The following PTPRN2 variants were observed in gnomAD, a reference collection of about 807,000 sequenced individuals.
PTPRN2 encodes the protein protein tyrosine phosphatase receptor type N2.
In PTPRN2, 74 loss-of-function variants were observed where a neutral mutation model predicts 118.8. The observed-to-expected ratio is 0.62, with a 90% CI of 0.52 to 0.76. PTPRN2 has a LOEUF of 0.76. PTPRN2 is among the 30% of genes least tolerant of loss of function. The probability of loss-of-function intolerance (pLI) is 0.00; values close to 1 mark genes in which losing one functional copy is unlikely to be tolerated. For synonymous variants in PTPRN2, 641 were observed against 608.0 expected (o/e 1.05, Z -0.80); for missense variants, 1,481 against 1,394.4 (o/e 1.06, Z -0.99).
intron 6 of PTPRN2, among the ~76,000 whole-genome samples, chr7:158,165,846 G>T (rs887754276): frequency 1.6e-4 from 25 of 152,164 alleles, no homozygotes; most frequent in Admixed American, 1.6e-3. Flanking sequence ...CCGCCCTGAC[G>T]TGGCTTAACT....
intron 6 of PTPRN2, among the ~76,000 whole-genome samples, chr7:158,166,131 T>G (rs942081458): frequency 2.1e-4 from 32 of 151,170 alleles, no homozygotes; most frequent in African/African-American, 7.9e-4. Context: ...CAAGCCATGT[T>G]GCCCGCCCCA....
At chr7:158,421,856 A>G (rs978889352) in intron 2 of PTPRN2, among the ~76,000 whole-genome samples, 5 of 152,208 alleles carry the variant, frequency 3.3e-5, no homozygotes, top group African/African-American at 1.2e-4. Flanking sequence ...GGGCATTCTA[A>G]TAAAGAATTT....
intron 4 of PTPRN2, among the ~76,000 whole-genome samples, chr7:158,203,221 G>A (rs1826782438): frequency 2.5e-5 from 1 of 40,072 alleles, no homozygotes; most frequent in African/African-American, 1.1e-4. Flanking sequence ...GATGAAGCAA[G>A]AGCCAAAAAA....
At chr7:157,563,790 A>G (rs920737301) in intron 21 of PTPRN2, among the ~76,000 whole-genome samples, 6 of 149,368 alleles carry the variant, frequency 4.0e-5, no homozygotes, top group Admixed American at 6.6e-5. Flanking sequence ...CCACATCACC[A>G]CACACAGCAG....
intron 10 of PTPRN2, among the ~76,000 whole-genome samples, chr7:158,081,939 A>T (rs1812872387): frequency 6.6e-6 from 1 of 152,210 alleles, no homozygotes; most frequent in Admixed American, 6.5e-5. Flanking sequence ...CTTACTTTTT[A>T]AACCATTTAA....
chr7:157,546,267 CTATT>C (rs759033298), intron 22 of PTPRN2, among the ~76,000 whole-genome samples: 14 of 152,088 alleles, frequency 9.2e-5, no homozygotes, highest in South Asian at 2.1e-4. Context: ...TATCATCTTG[CTATT>C]TATTTATTTA....
intron 2 of PTPRN2, among the ~76,000 whole-genome samples, chr7:158,388,186 C>T (rs923966412): frequency 6.6e-6 from 1 of 152,106 alleles, no homozygotes; most frequent in African/African-American, 2.4e-5. Flanking sequence ...CCACACTGAA[C>T]AAGAAGCCCC....
chr7:158,379,505 GC>G (rs1395841359), intron 2 of PTPRN2, among the ~76,000 whole-genome samples: 1 of 152,160 alleles, frequency 6.6e-6, no homozygotes, highest in Non-Finnish European at 1.5e-5. Flanking sequence ...CAGGTGGGGG[GC>G]TCCCAAGAAA....
intron 12 of PTPRN2, among the ~76,000 whole-genome samples, chr7:157,723,484 A>G (rs1361427809): frequency 6.6e-6 from 1 of 151,906 alleles, no homozygotes; most frequent in East Asian, 1.9e-4. Flanking sequence ...CTCTCCCCAC[A>G]CCAGCATGTC....
intron 3 of PTPRN2, among the ~76,000 whole-genome samples, chr7:158,315,445 A>G (rs1483163624): frequency 6.9e-6 from 1 of 145,124 alleles, no homozygotes; most frequent in Non-Finnish European, 1.5e-5. Flanking sequence ...GACCCCATGA[A>G]GGACAGAGGT....
At chr7:157,548,729 G>A (rs182696134) in intron 22 of PTPRN2, among the ~76,000 whole-genome samples, 20 of 152,304 alleles carry the variant, frequency 1.3e-4, no homozygotes, top group African/African-American at 4.6e-4. Context: ...CTTGAGATGT[G>A]GCTGCATCTG....
chr7:157,821,798 G>A (rs937478281), intron 12 of PTPRN2, among the ~76,000 whole-genome samples: 1 of 152,264 alleles, frequency 6.6e-6, no homozygotes, highest in East Asian at 1.9e-4. Flanking sequence ...ACCAATGGTT[G>A]TTGATGTCAC....
chr7:157,967,916 T>G (rs185854464), intron 11 of PTPRN2, among the ~76,000 whole-genome samples: 51 of 152,368 alleles, frequency 3.3e-4, no homozygotes, highest in Non-Finnish European at 6.6e-4. Flanking sequence ...CACGGTTCTC[T>G]TTTTGTGATG....
intron 19 of PTPRN2, among the ~76,000 whole-genome samples, chr7:157,575,944 A>G (rs375703192): frequency 4.6e-5 from 7 of 152,182 alleles, no homozygotes; most frequent in African/African-American, 1.4e-4. Flanking sequence ...CACCTAGCCA[A>G]TGCGGACCGA....
intron 17 of PTPRN2, among the ~76,000 whole-genome samples, chr7:157,586,937 G>A (rs890978163): frequency 3.9e-5 from 6 of 152,194 alleles, no homozygotes; most frequent in African/African-American, 1.4e-4. Context: ...CCCTCCACCG[G>A]GGCCAGGCCA....
At chr7:158,105,948 C>G (rs778209423) in intron 10 of PTPRN2, among the ~76,000 whole-genome samples, 1 of 150,542 alleles carries the variant, frequency 6.6e-6, no homozygotes, top group Non-Finnish European at 1.5e-5. Flanking sequence ...CCAGCTCTAT[C>G]ACTGCTCCAT....
chr7:158,566,702 G>GT (rs1018327291), intron 1 of PTPRN2, among the ~76,000 whole-genome samples: 35 of 151,588 alleles, frequency 2.3e-4, no homozygotes, highest in Non-Finnish European at 2.6e-4. Flanking sequence ...TTAAAGTGGG[G>GT]TTTTTTTTGT....
At chr7:157,699,521 G>T (rs1034799582) in intron 12 of PTPRN2, among the ~76,000 whole-genome samples, 1 of 152,056 alleles carries the variant, frequency 6.6e-6, no homozygotes, top group South Asian at 2.1e-4. Flanking sequence ...GCCAACCGCC[G>T]ACACCCAGGT....
chr7:157,847,025 A>G (rs1211478431), intron 12 of PTPRN2, among the ~76,000 whole-genome samples: 1 of 147,620 alleles, frequency 6.8e-6, no homozygotes, highest in East Asian at 2.1e-4. Flanking sequence ...CCCTCACTAC[A>G]TCATGTGTGG....
Sources: gnomAD v4.1 joint callset for allele counts (sites outside exome capture counted in the v4.1 genomes callset) on GRCh38, gnomAD v4.1.1 for gene constraint, MANE v1.5 for transcripts, NCBI Gene and HGNC (gene_info 2026-07-23, HGNC 2026-07-21) for gene names.